CUX1: variants seen among roughly 807,000 people sequenced by gnomAD.
The protein encoded by CUX1 is cut like homeobox 1.
Under a neutral mutation model 158.8 loss-of-function variants are expected in CUX1, and 31 were observed. The observed-to-expected ratio is 0.20, with a 90% CI of 0.15 to 0.26. CUX1 has a LOEUF of 0.26. Ranked by LOEUF, CUX1 falls within the 10% of genes least tolerant of loss-of-function variation. The probability of loss-of-function intolerance (pLI) is 1.00; values close to 1 mark genes in which losing one functional copy is unlikely to be tolerated. For synonymous variants in CUX1, 879 were observed against 862.1 expected, an observed-to-expected ratio of 1.02 and a Z score of -0.34; for missense variants, 1,589 against 2,014.6, an observed-to-expected ratio of 0.79 and a Z score of 4.04.
intron 2 of CUX1, 78 bp from the exon 3 acceptor site, chr7:102,028,020 T>C (rs1820246881): frequency 6.6e-7 from 1 of 1,511,908 alleles, no homozygotes; most frequent in Non-Finnish European, 9.1e-7. Context: ...CCACGCTGTT[T>C]TTAGGAGGCC....
At chr7:102,091,021 A>G (rs1828530784) in intron 4 of CUX1, among the ~76,000 whole-genome samples, 1 of 152,180 alleles carries the variant, frequency 6.6e-6, no homozygotes, top group Non-Finnish European at 1.5e-5. Flanking sequence ...GCAGACCATT[A>G]CACTACACTC....
At chr7:102,028,988 AT>A (rs71519103) in intron 3 of CUX1, among the ~76,000 whole-genome samples, 4,383 of 114,136 alleles carry the variant, frequency 0.038, 206 homozygotes, top group African/African-American at 0.13. Flanking sequence ...AGTCTTAGGG[AT>A]TTTTTTTTTT....
chr7:101,896,336 G>A (rs184994747), intron 1 of CUX1, among the ~76,000 whole-genome samples: 9 of 152,304 alleles, frequency 5.9e-5, no homozygotes, highest in African/African-American at 1.7e-4. Context: ...AGCAGGCACC[G>A]TGGGGACATG....
chr7:102,178,796 C>G, intron 11 of CUX1, 139 bp downstream of exon 11: 1 of 893,608 alleles, frequency 1.1e-6, no homozygotes, highest in Non-Finnish European at 1.7e-6. Flanking sequence ...TAGCACCAAG[C>G]AGAGTCCCGG....
At chr7:102,051,367 G>A (rs192979667) in intron 3 of CUX1, among the ~76,000 whole-genome samples, 1 of 152,090 alleles carries the variant, frequency 6.6e-6, no homozygotes, top group African/African-American at 2.4e-5. Flanking sequence ...AAAAAATAGG[G>A]CCGGGCGCAG....
intron 8 of CUX1, among the ~76,000 whole-genome samples, chr7:102,155,902 A>AT (rs1443896012): frequency 2.0e-5 from 3 of 152,184 alleles, no homozygotes; most frequent in Non-Finnish European, 4.4e-5. Flanking sequence ...CAGTTTGGGT[A>AT]TTTATCTTAC....
rs1420249639 is a variant in CUX1, at chr7:102,249,616, C to G, written c.*574C>G. 1.0e-6 allele frequency: 1 copy of G among 985,428 alleles called. No homozygotes were observed. Among genetic ancestry groups the G allele is most frequent in the African/African-American group, 1.7e-5 (1 of 57,148 alleles). The allele number at this position is 985,428 out of a possible 1,614,324, so 61.0% of individuals were successfully genotyped here. On this transcript the variant is annotated 3_prime_UTR_variant, in exon 24 of 24. Coordinates refer to ENST00000292535, the MANE Select transcript of CUX1 (RefSeq NM_181552.4). Reference sequence around the variant, plus strand: ...CACATATTAAAAGGGGGCTTTTTATCTGCCATCTAATGGCTTCAGAGCGAT... The same window carrying G: ...CACATATTAAAAGGGGGCTTTTTATGTGCCATCTAATGGCTTCAGAGCGAT...
At position 102,250,051 on chromosome 7, in the gene CUX1, A is replaced by G; in HGVS notation, c.*1009A>G. ...TCTAGGCCAAATCAGGACAAAAAAA[A>G]GAAAAAAAAAGAAAAAAAAAAAAGA... On this transcript the variant is annotated 3_prime_UTR_variant, in exon 24 of 24. Coordinates refer to ENST00000292535, the MANE Select transcript of CUX1 (RefSeq NM_181552.4). 2.0e-6 allele frequency: 2 copies of G among 977,574 alleles called. No homozygotes were observed. The highest frequency in any genetic ancestry group is 2.4e-6 in the Non-Finnish European group (2 of 825,330). The allele number at this position is 977,574 out of a possible 1,614,324, so 60.6% of individuals were successfully genotyped here.
intron 17 of CUX1, among the ~76,000 whole-genome samples, 182 bp downstream of exon 17, chr7:102,200,354 T>C (rs1795285851): frequency 6.6e-6 from 1 of 152,170 alleles, no homozygotes; most frequent in South Asian, 2.1e-4. Flanking sequence ...TAGTTACCTT[T>C]TTTTTTGAGA....
intron 10 of CUX1, among the ~76,000 whole-genome samples, chr7:102,174,781 T>C (rs1214310344): frequency 6.6e-6 from 1 of 152,168 alleles, no homozygotes; most frequent in East Asian, 1.9e-4. Context: ...CTATCTCTAC[T>C]AAAACTATAA....
At chr7:102,228,839 T>C (rs1410445788) in intron 21 of CUX1, among the ~76,000 whole-genome samples, 4 of 152,084 alleles carry the variant, frequency 2.6e-5, no homozygotes, top group Non-Finnish European at 5.9e-5. Flanking sequence ...CCTGGCATCC[T>C]CGGGGCTCCA....
chr7:101,873,131 A>G (rs1008759904), intron 1 of CUX1, among the ~76,000 whole-genome samples: 1 of 150,566 alleles, frequency 6.6e-6, no homozygotes, highest in Admixed American at 6.6e-5. Flanking sequence ...TAGGTCTCCC[A>G]AAGTGCTAGG....
At chr7:102,237,577 C>T (rs147773833) in intron 22 of CUX1, among the ~76,000 whole-genome samples, 144 of 152,324 alleles carry the variant, frequency 9.5e-4, no homozygotes, top group African/African-American at 3.2e-3. Context: ...CCACCACGCC[C>T]GGCGATGTCC....
chr7:102,126,011 G>GTTTTA (rs1256187150), intron 8 of CUX1, among the ~76,000 whole-genome samples: 4 of 151,214 alleles, frequency 2.6e-5, no homozygotes, highest in East Asian at 1.9e-4. Flanking sequence ...CCTTTTTTAT[G>GTTTTA]TTTTATTTTA....
intron 2 of CUX1, among the ~76,000 whole-genome samples, chr7:101,953,936 T>G (rs1809434345): frequency 6.6e-6 from 1 of 152,226 alleles, no homozygotes; most frequent in South Asian, 2.1e-4. Flanking sequence ...TGTCTTAGGC[T>G]CTTGGTTCTG....
intron 9 of CUX1, among the ~76,000 whole-genome samples, chr7:102,168,135 C>T (rs1791259622): frequency 6.6e-6 from 1 of 151,924 alleles, no homozygotes; most frequent in South Asian, 2.1e-4. Flanking sequence ...CAGAAATCAC[C>T]TCTACAGTCC....
intron 9 of CUX1, among the ~76,000 whole-genome samples, chr7:102,164,686 C>T (rs992764949): frequency 6.6e-6 from 1 of 152,202 alleles, no homozygotes; most frequent in Non-Finnish European, 1.5e-5. Flanking sequence ...CTGTTCCCGA[C>T]CTCCTTCCTG....
At chr7:102,204,743 T>C (rs572423575) in intron 19 of CUX1, among the ~76,000 whole-genome samples, 187 bp downstream of exon 19, 3 of 152,360 alleles carry the variant, frequency 2.0e-5, no homozygotes, top group Admixed American at 6.5e-5. Flanking sequence ...CCTGTTGCCG[T>C]GGGACTGACT....
chr7:102,242,382 T>C (rs1800327128), intron 23 of CUX1, among the ~76,000 whole-genome samples: 1 of 152,068 alleles, frequency 6.6e-6, no homozygotes, highest in African/African-American at 2.4e-5. Context: ...GCTAATTTTT[T>C]GTATTTCTAG....
Sources: gnomAD v4.1 joint callset for allele counts (sites outside exome capture counted in the v4.1 genomes callset) on GRCh38, gnomAD v4.1.1 for gene constraint, MANE v1.5 for transcripts, NCBI Gene and HGNC (gene_info 2026-07-23, HGNC 2026-07-21) for gene names.